KCNH7: variants seen among roughly 807,000 people sequenced by gnomAD.
KCNH7 encodes voltage-gated inwardly rectifying potassium channel KCNH7.
Under a neutral mutation model 120.8 loss-of-function variants are expected in KCNH7, and 49 were observed. The ratio of observed to expected loss-of-function variants is 0.41; its 90% CI spans 0.32 to 0.51. KCNH7 has a LOEUF of 0.51. Among genes scored for constraint, KCNH7 ranks in the 20% least tolerant of loss-of-function variants. The pLI, the probability that KCNH7 is intolerant of heterozygous loss-of-function variation, is 0.38. For synonymous variants in KCNH7, 547 were observed against 516.1 expected (o/e 1.06, Z -0.81); for missense variants, 1,097 against 1,446.6 (o/e 0.76, Z 3.92).
chr2:162,835,811 C>A (rs1685644391), intron 2 of KCNH7, among the ~76,000 whole-genome samples: 1 of 152,070 alleles, frequency 6.6e-6, no homozygotes, highest in Non-Finnish European at 1.5e-5. Flanking sequence ...GCTCTCATAG[C>A]AAGTTTGACA....
At chr2:162,784,390 A>C (rs551517950) in intron 2 of KCNH7, among the ~76,000 whole-genome samples, 10 of 152,136 alleles carry the variant, frequency 6.6e-5, no homozygotes, top group Non-Finnish European at 1.5e-4. Context: ...TGGCATATTG[A>C]CCACTACTGT....
At chr2:162,663,524 T>C (rs1685039932) in intron 2 of KCNH7, among the ~76,000 whole-genome samples, 1 of 152,164 alleles carries the variant, frequency 6.6e-6, no homozygotes, top group Non-Finnish European at 1.5e-5. Context: ...TTTCATGTAG[T>C]GCTGATTAGT....
At position 162,476,148 on chromosome 2, in the gene KCNH7, C is replaced by T. The variant is rs116641136; in HGVS notation, c.1128+28295G>A. Among the ~76,000 whole-genome samples the T allele has an allele frequency of 5.9e-3, 905 of 152,236 alleles. 12 individuals are homozygous for T. Among genetic ancestry groups the T allele is most frequent in the African/African-American group, 0.021 (859 of 41,546 alleles). On this transcript the variant is annotated intron_variant, in intron 6 of 15. Coordinates refer to ENST00000332142, the MANE Select transcript of KCNH7 (RefSeq NM_033272.4). The stretch of plus-strand genomic sequence containing the variant: ...CTGCCATCTCATTAAAGGAGTCTGG[C>T]GCCCATTAATGAAATTCATTTTACC...
intron 2 of KCNH7, among the ~76,000 whole-genome samples, chr2:162,634,637 A>C (rs1159248631): frequency 6.6e-6 from 1 of 151,988 alleles, no homozygotes; most frequent in Non-Finnish European, 1.5e-5. Flanking sequence ...CAGGGCCTTA[A>C]GGAATGTCTC....
chr2:162,375,797 G>A (rs902810870), intron 14 of KCNH7, among the ~76,000 whole-genome samples: 8 of 151,208 alleles, frequency 5.3e-5, no homozygotes, highest in Non-Finnish European at 7.4e-5. Flanking sequence ...CTGTGGTCCC[G>A]GCTACTCAGG....
In KCNH7 at chr2:162,526,553, T is replaced by C. The variant is rs556376553; in HGVS notation, c.464-8395A>G. Among the ~76,000 whole-genome samples, 90 of 152,080 alleles carry C rather than the reference T, an allele frequency of 5.9e-4. 1 individual carries two copies. The highest frequency in any genetic ancestry group is 1.1e-3 in the Non-Finnish European group (74 of 67,914). On this transcript the variant is annotated intron_variant, in intron 3 of 15. Coordinates refer to ENST00000332142, the MANE Select transcript of KCNH7 (RefSeq NM_033272.4). ...CATTCTGTTTCTCAGGGATGTTCCTTGCTGAGAAAAAGAATTCAGTGATAT... is the reference window on the plus strand; with the variant it reads ...CATTCTGTTTCTCAGGGATGTTCCTCGCTGAGAAAAAGAATTCAGTGATAT...
rs1385962585 is a variant in KCNH7 at position 162,491,344 on chromosome 2, C to G, written c.1128+13099G>C. 4.6e-5 allele frequency among the ~76,000 whole-genome samples: 7 copies of G among 152,300 alleles called. No homozygotes were observed. In the East Asian group the frequency reaches 1.2e-3, roughly 25 times the overall value. ...AACACAGCCCTGCGGATATGGGCAGCTTTTCTATGCAAGAGGTTTTTTTGT... is the reference window on the plus strand; with the variant it reads ...AACACAGCCCTGCGGATATGGGCAGGTTTTCTATGCAAGAGGTTTTTTTGT... On this transcript the variant is annotated intron_variant, in intron 6 of 15. Transcript: ENST00000332142.
At chr2:162,823,330 A>G (rs1325609948) in intron 2 of KCNH7, among the ~76,000 whole-genome samples, 2 of 152,228 alleles carry the variant, frequency 1.3e-5, no homozygotes, top group African/African-American at 2.4e-5. Context: ...ACCACACTCT[A>G]TTATTTAATT....
chr2:162,799,268 G>A (rs764002956), intron 2 of KCNH7, among the ~76,000 whole-genome samples: 11 of 151,270 alleles, frequency 7.3e-5, no homozygotes, highest in South Asian at 4.2e-4. Context: ...GCAATGATGG[G>A]GTCTGAATGG....
chr2:162,450,491 T>G (rs1345786111), intron 6 of KCNH7, among the ~76,000 whole-genome samples: 2 of 152,068 alleles, frequency 1.3e-5, no homozygotes. Flanking sequence ...TCAAAAAGCT[T>G]TATTTATATA....
intron 2 of KCNH7, among the ~76,000 whole-genome samples, chr2:162,738,087 A>T (rs1687983399): frequency 1.3e-5 from 2 of 151,544 alleles, no homozygotes; most frequent in Non-Finnish European, 2.9e-5. Flanking sequence ...AAAAAAAAAA[A>T]AAAAGTTGTG....
intron 4 of KCNH7, among the ~76,000 whole-genome samples, chr2:162,513,314 CTT>C: frequency 6.9e-6 from 1 of 143,994 alleles, no homozygotes; most frequent in African/African-American, 2.5e-5. Context: ...TCCCTCCTTC[CTT>C]CTTTCCTTCC....
At chr2:162,724,126 T>C (rs1687428202) in intron 2 of KCNH7, among the ~76,000 whole-genome samples, 1 of 152,174 alleles carries the variant, frequency 6.6e-6, no homozygotes, top group Non-Finnish European at 1.5e-5. Context: ...TTTCTAGACC[T>C]GTTAACATAA....
chr2:162,781,678 C>T (rs74893997), intron 2 of KCNH7, among the ~76,000 whole-genome samples: 32 of 152,154 alleles, frequency 2.1e-4, no homozygotes, highest in African/African-American at 7.2e-4. Context: ...TTAGTGTCTA[C>T]ATATTGACAT....
At chr2:162,408,420 T>G (rs1303659542) in intron 9 of KCNH7, among the ~76,000 whole-genome samples, 1 of 151,844 alleles carries the variant, frequency 6.6e-6, no homozygotes, top group Non-Finnish European at 1.5e-5. Flanking sequence ...CCTAACAAAT[T>G]CCCCTCCTAT....
At chr2:162,697,411 T>C (rs1424044205) in intron 2 of KCNH7, among the ~76,000 whole-genome samples, 6 of 152,250 alleles carry the variant, frequency 3.9e-5, no homozygotes, top group Non-Finnish European at 8.8e-5. Flanking sequence ...AACCTGTAGA[T>C]TGAAATAATT....
At chr2:162,540,450 C>T (rs1692265012) in intron 2 of KCNH7, among the ~76,000 whole-genome samples, 4 of 152,052 alleles carry the variant, frequency 2.6e-5, no homozygotes, top group Admixed American at 2.0e-4. Flanking sequence ...GAAAAGTATA[C>T]TTTATTTTAT....
At chr2:162,822,296 A>T (rs1685146721) in intron 2 of KCNH7, among the ~76,000 whole-genome samples, 1 of 151,894 alleles carries the variant, frequency 6.6e-6, no homozygotes, top group South Asian at 2.1e-4. Context: ...TTTTTAAATT[A>T]TTTTATTTAG....
chr2:162,547,594 C>A (rs1319359574), intron 2 of KCNH7, among the ~76,000 whole-genome samples: 1 of 152,094 alleles, frequency 6.6e-6, no homozygotes, highest in African/African-American at 2.4e-5. Context: ...CACTAAATAT[C>A]CCCATTTTAT....
Sources: allele counts gnomAD v4.1 joint callset (sites outside exome capture counted in the v4.1 genomes callset), GRCh38; gene constraint gnomAD v4.1.1; transcripts MANE v1.5; gene names NCBI Gene and HGNC (gene_info 2026-07-23, HGNC 2026-07-21).